The following GLT8D2 variants were observed in gnomAD, a reference collection of about 807,000 sequenced individuals.
The protein encoded by GLT8D2 is glycosyltransferase 8 domain containing 2, also known as glycosyltransferase 8 domain-containing protein 2.
Under a neutral mutation model 44.5 loss-of-function variants are expected in GLT8D2, and 45 were observed. The ratio of observed to expected loss-of-function variants is 1.01; its 90% CI spans 0.80 to 1.30. GLT8D2 has a LOEUF of 1.30. GLT8D2 is among the 50% of genes most tolerant of loss of function. The probability of loss-of-function intolerance (pLI) is 0.00; values close to 1 mark genes in which losing one functional copy is unlikely to be tolerated. For synonymous variants in GLT8D2, 156 were observed against 157.2 expected, an observed-to-expected ratio of 0.99 and a Z score of 0.06; for missense variants, 400 against 430.4, an observed-to-expected ratio of 0.93 and a Z score of 0.62.
intron 1 of GLT8D2, among the ~76,000 whole-genome samples, chr12:104,022,013 A>G (rs375125557): frequency 2.8e-5 from 2 of 71,206 alleles, no homozygotes; most frequent in African/African-American, 6.9e-5. Context: ...AAGAAGAAGA[A>G]GAAGAAGAAA....
At chr12:104,007,820 A>G (rs1875282380) in intron 4 of GLT8D2, among the ~76,000 whole-genome samples, 1 of 152,212 alleles carries the variant, frequency 6.6e-6, no homozygotes, top group African/African-American at 2.4e-5. Context: ...AATCTGAATC[A>G]TGGGGGTGGT....
At chr12:104,030,590 A>G (rs1879125633) in intron 1 of GLT8D2, among the ~76,000 whole-genome samples, 1 of 152,194 alleles carries the variant, frequency 6.6e-6, no homozygotes. Flanking sequence ...AATCAATAAA[A>G]TAAAAAAGCA....
At chr12:104,016,700 A>G (rs373893371) in intron 3 of GLT8D2, among the ~76,000 whole-genome samples, 2 of 103,932 alleles carry the variant, frequency 1.9e-5, no homozygotes, top group African/African-American at 3.3e-5. Context: ...AGAAAGAAAG[A>G]AAGGGAGAGA....
At chr12:104,008,884 T>C (rs1266545686) in intron 4 of GLT8D2, among the ~76,000 whole-genome samples, 1 of 152,204 alleles carries the variant, frequency 6.6e-6, no homozygotes, top group Non-Finnish European at 1.5e-5. Context: ...TTCCACGTGG[T>C]GTTGAGCCTG....
intron 1 of GLT8D2, among the ~76,000 whole-genome samples, chr12:104,061,977 CAAA>C (rs34704257): frequency 1.1e-4 from 10 of 91,248 alleles, no homozygotes; most frequent in Admixed American, 4.2e-4. Flanking sequence ...AACTCCATCT[CAAA>C]AAAAAAAAAA....
At chr12:104,006,177 G>C (rs1202442584) in intron 4 of GLT8D2, among the ~76,000 whole-genome samples, 2 of 143,416 alleles carry the variant, frequency 1.4e-5, no homozygotes, top group Non-Finnish European at 3.0e-5. Context: ...GGTGGGAATT[G>C]AACAATGAGA....
chr12:104,020,548 G>T (rs1238901055), intron 2 of GLT8D2, among the ~76,000 whole-genome samples: 1 of 152,148 alleles, frequency 6.6e-6, no homozygotes, highest in East Asian at 1.9e-4. Flanking sequence ...TGAAGCTTTT[G>T]GTCCAGTGGG....
chr12:104,029,019 C>T (rs1400575256), intron 1 of GLT8D2, among the ~76,000 whole-genome samples: 1 of 152,090 alleles, frequency 6.6e-6, no homozygotes, highest in Admixed American at 6.5e-5. Flanking sequence ...TGGCTGGGCT[C>T]AGTGGCTCAC....
chr12:104,049,203 T>C (rs749724881), intron 1 of GLT8D2, among the ~76,000 whole-genome samples: 4 of 150,092 alleles, frequency 2.7e-5, no homozygotes, highest in Non-Finnish European at 5.9e-5. Flanking sequence ...TCAAAGCACA[T>C]CCAGACATTC....
At chr12:104,029,605 A>G (rs1879008374) in intron 1 of GLT8D2, 2 of 152,202 alleles carry the variant, frequency 1.3e-5, no homozygotes, top group African/African-American at 4.8e-5. Context: ...AATTAAAACA[A>G]TTTCTAAATA....
chr12:104,046,303 C>G (rs1881146249), intron 1 of GLT8D2, among the ~76,000 whole-genome samples: 1 of 152,184 alleles, frequency 6.6e-6, no homozygotes. Flanking sequence ...ATGTGCTAGG[C>G]ATTGTTCTAC....
intron 1 of GLT8D2, among the ~76,000 whole-genome samples, chr12:104,021,959 A>C (rs11111873): frequency 6.6e-5 from 1 of 15,038 alleles, no homozygotes; most frequent in Non-Finnish European, 1.3e-4. Context: ...AAGAAGAGGA[A>C]GAAGAGGAAG....
chr12:103,997,429 T>C (rs1566190716), intron 7 of GLT8D2, 22 bp downstream of exon 7: 1 of 1,532,058 alleles, frequency 6.5e-7, no homozygotes, highest in East Asian at 2.2e-5. Flanking sequence ...TTCCAAGTGT[T>C]CTTGGCAGTT....
rs371029415 is a variant in GLT8D2, at chr12:104,043,100, C to T, written c.-164+6795G>A. 3.3e-5 allele frequency among the ~76,000 whole-genome samples: 5 copies of T among 152,146 alleles called. No homozygotes were observed. The East Asian group carries it at 5.8e-4, about 18-fold the overall frequency. On this transcript the variant is annotated intron_variant, in intron 1 of 10. Transcript: ENST00000360814. ...CCTTACATGCTTCCTGCACGTGGCC[C>T]GGGGGACTCGGCTCACCTGCTTTTC...
intron 4 of GLT8D2, chr12:104,014,259 G>T: frequency 1.4e-6 from 1 of 700,232 alleles, no homozygotes. Context: ...GGGTGCTGAG[G>T]CCGGAGGATT....
At chr12:104,054,448 T>C (rs1056039840), upstream of GLT8D2, among the ~76,000 whole-genome samples, 1 of 151,892 alleles carries the variant, frequency 6.6e-6, no homozygotes, top group African/African-American at 2.4e-5. Context: ...ATCTTGACTA[T>C]GATAAATAAT....
chr12:104,008,479 G>GT (rs1023833356), intron 4 of GLT8D2, among the ~76,000 whole-genome samples: 21 of 152,252 alleles, frequency 1.4e-4, no homozygotes, highest in African/African-American at 5.1e-4. Context: ...CTTGGGTGCT[G>GT]TTAAAGGCAT....
At chr12:104,062,435 G>C (rs1199099684) in intron 1 of GLT8D2, among the ~76,000 whole-genome samples, 1 of 152,084 alleles carries the variant, frequency 6.6e-6, no homozygotes, top group Non-Finnish European at 1.5e-5. Context: ...AGATGAGAAG[G>C]TGGAGAAGCA....
At chr12:104,002,938 T>C (rs1359646658) in intron 5 of GLT8D2, among the ~76,000 whole-genome samples, 197 bp downstream of exon 5, 1 of 149,198 alleles carries the variant, frequency 6.7e-6, no homozygotes, top group Non-Finnish European at 1.5e-5. Context: ...CAGAGCAAGA[T>C]CCTATCAGAA....
Sources: allele counts gnomAD v4.1 joint callset (sites outside exome capture counted in the v4.1 genomes callset), GRCh38; gene constraint gnomAD v4.1.1; transcripts MANE v1.5; gene names NCBI Gene and HGNC (gene_info 2026-07-23, HGNC 2026-07-21).